SNTG2: variants seen among roughly 807,000 people sequenced by gnomAD.
SNTG2 encodes syntrophin gamma 2.
Under a neutral mutation model 70.9 loss-of-function variants are expected in SNTG2, and 74 were observed. The ratio of observed to expected loss-of-function variants is 1.04; its 90% CI spans 0.86 to 1.27. The LOEUF is 1.27. SNTG2 is among the 50% of genes most tolerant of loss of function. The probability of loss-of-function intolerance (pLI) is 0.00; values close to 1 mark genes in which losing one functional copy is unlikely to be tolerated. For missense variants in SNTG2, 717 were observed against 690.7 expected (o/e 1.04, Z -0.43); for synonymous variants, 278 against 273.8 (o/e 1.02, Z -0.15).
chr2:1,068,781 G>T (rs2148130961), intron 1 of SNTG2, among the ~76,000 whole-genome samples: 1 of 152,320 alleles, frequency 6.6e-6, no homozygotes, highest in South Asian at 2.1e-4. Context: ...ATGGCATAAA[G>T]ATAGCAATAA....
intron 6 of SNTG2, among the ~76,000 whole-genome samples, chr2:1,162,402 C>T (rs1016161807): frequency 6.6e-6 from 1 of 152,172 alleles, no homozygotes; most frequent in Non-Finnish European, 1.5e-5. Context: ...GGGAGGAGGG[C>T]AGCCTGTTTA....
chr2:1,198,987 A>G (rs1030595608), intron 8 of SNTG2, among the ~76,000 whole-genome samples: 1 of 151,906 alleles, frequency 6.6e-6, no homozygotes, highest in South Asian at 2.1e-4. Context: ...TTCTTAAACT[A>G]CTTCAAAAAT....
intron 2 of SNTG2, among the ~76,000 whole-genome samples, chr2:1,088,643 C>T (rs1168913416): frequency 6.6e-6 from 1 of 152,218 alleles, no homozygotes; most frequent in Non-Finnish European, 1.5e-5. Context: ...ACTCACCCAC[C>T]AGTGGAAGAA....
In SNTG2 at chr2:1,270,255, C is replaced by T. The variant is rs563094663; in HGVS notation, c.1284+2684C>T. 6.8e-4 allele frequency among the ~76,000 whole-genome samples: 104 copies of T among 152,272 alleles called. 1 individual carries two copies. Among genetic ancestry groups the T allele is most frequent in the African/African-American group, 2.5e-3 (103 of 41,546 alleles). ...TTTCAAAATTAGATGGACTCACTCC[C>T]TCTTCATGAATTAGAGAAAATACTT... On this transcript the variant is annotated intron_variant, in intron 14 of 16. Transcript: ENST00000308624.
chr2:1,035,685 CT>C (rs752367069), intron 1 of SNTG2, among the ~76,000 whole-genome samples: 21 of 152,156 alleles, frequency 1.4e-4, no homozygotes, highest in Non-Finnish European at 2.1e-4. Context: ...GCTGGAAAAT[CT>C]GTTTAAACAG....
intron 4 of SNTG2, among the ~76,000 whole-genome samples, chr2:1,121,835 A>G (rs1667399313): frequency 6.6e-6 from 1 of 152,166 alleles, no homozygotes; most frequent in Non-Finnish European, 1.5e-5. Flanking sequence ...CAGGGATTAT[A>G]ATTGAAGATG....
At position 1,308,600 on chromosome 2, in the gene SNTG2, C is replaced by G. The variant is rs1186562184; in HGVS notation, c.1377+14C>G. The G allele has an allele frequency of 5.2e-6, 8 of 1,546,026 alleles. No homozygotes were observed. Among genetic ancestry groups the G allele is most frequent in the Non-Finnish European group, 7.0e-6 (8 of 1,141,948 alleles). ...AGTAAGACCAAGGTAAGAGGCCAAG[C>G]AGGCATCCATGCCGCCCCATTGCCA... is the stretch of plus-strand genomic sequence containing the variant. On this transcript the variant is annotated intron_variant, in intron 15 of 16. Transcript: ENST00000308624.
chr2:1,243,248 T>C (rs1316079644), intron 11 of SNTG2, among the ~76,000 whole-genome samples: 5 of 152,160 alleles, frequency 3.3e-5, no homozygotes, highest in Non-Finnish European at 7.3e-5. Context: ...AAACACTGTG[T>C]CAACCCGATA....
At chr2:1,172,919 A>G (rs970479470) in intron 7 of SNTG2, among the ~76,000 whole-genome samples, 173 bp from the exon 8 acceptor site, 2 of 152,164 alleles carry the variant, frequency 1.3e-5, no homozygotes, top group East Asian at 1.9e-4. Flanking sequence ...TGAGGAGACC[A>G]TATCACAGCA....
At chr2:957,670 G>A (rs953674441) in intron 1 of SNTG2, among the ~76,000 whole-genome samples, 5 of 151,970 alleles carry the variant, frequency 3.3e-5, no homozygotes, top group African/African-American at 7.2e-5. Context: ...AGATGAGGTC[G>A]GGCAACATTT....
chr2:1,231,532 C>T (rs1676244990), intron 9 of SNTG2, among the ~76,000 whole-genome samples: 1 of 152,216 alleles, frequency 6.6e-6, no homozygotes, highest in Non-Finnish European at 1.5e-5. Flanking sequence ...CAATGCAGCA[C>T]TGTGCCCTCG....
intron 4 of SNTG2, among the ~76,000 whole-genome samples, chr2:1,117,637 C>G (rs1018484982): frequency 5.3e-5 from 8 of 152,170 alleles, no homozygotes; most frequent in Non-Finnish European, 1.0e-4. Flanking sequence ...ACCCCAGCCT[C>G]CAGGGTGAAC....
intron 14 of SNTG2, among the ~76,000 whole-genome samples, chr2:1,293,789 G>C (rs182641298): frequency 2.0e-4 from 31 of 152,288 alleles, no homozygotes; most frequent in African/African-American, 7.0e-4. Context: ...ACCTTGTAAA[G>C]TATGATATCT....
At chr2:1,015,895 A>C (rs1009190110) in intron 1 of SNTG2, among the ~76,000 whole-genome samples, 1 of 152,242 alleles carries the variant, frequency 6.6e-6, no homozygotes, top group Admixed American at 6.5e-5. Flanking sequence ...AAAGACTTGC[A>C]GATGGCCCAT....
At chr2:1,080,186 G>C (rs1664194313) in intron 1 of SNTG2, among the ~76,000 whole-genome samples, 1 of 152,216 alleles carries the variant, frequency 6.6e-6, no homozygotes, top group Non-Finnish European at 1.5e-5. Flanking sequence ...AGATGCATCG[G>C]TCACTGGGGG....
chr2:1,183,554 T>C (rs192325690), intron 8 of SNTG2, among the ~76,000 whole-genome samples: 22 of 152,320 alleles, frequency 1.4e-4, no homozygotes, highest in African/African-American at 5.3e-4. Context: ...AGATAGAGAA[T>C]AGTATTTCTT....
intron 1 of SNTG2, among the ~76,000 whole-genome samples, chr2:980,922 A>G (rs1209684320): frequency 6.6e-6 from 1 of 152,158 alleles, no homozygotes; most frequent in African/African-American, 2.4e-5. Flanking sequence ...CTTAATCATC[A>G]TGACAGCCCA....
intron 6 of SNTG2, among the ~76,000 whole-genome samples, chr2:1,149,059 A>T (rs1377752590): frequency 1.3e-5 from 2 of 152,226 alleles, no homozygotes; most frequent in Non-Finnish European, 2.9e-5. Flanking sequence ...CCTGGAAGGT[A>T]TTTAAAACGA....
intron 1 of SNTG2, among the ~76,000 whole-genome samples, chr2:1,041,510 G>A (rs1188363536): frequency 3.3e-5 from 5 of 152,108 alleles, no homozygotes; most frequent in Non-Finnish European, 7.4e-5. Flanking sequence ...CTCCAGTGTT[G>A]GAGGTGGAGC....
Sources: allele counts gnomAD v4.1 joint callset (sites outside exome capture counted in the v4.1 genomes callset), GRCh38; gene constraint gnomAD v4.1.1; transcripts MANE v1.5; gene names NCBI Gene and HGNC (gene_info 2026-07-23, HGNC 2026-07-21).